DDX19B: variants seen among roughly 807,000 people sequenced by gnomAD.
DDX19B encodes the protein DEAD-box helicase 19B, also known as ATP-dependent RNA helicase DDX19B.
DDX19B carries 27 observed loss-of-function variants against 58.1 expected under a neutral mutation model. That is an observed-to-expected ratio of 0.46 (90% CI 0.34 to 0.64). The LOEUF is 0.64. Among genes scored for constraint, DDX19B ranks in the 30% least tolerant of loss-of-function variants. DDX19B has a pLI of 0.01. For missense variants in DDX19B, 399 were observed against 596.5 expected (o/e 0.67, Z 3.45); for synonymous variants, 187 against 214.4 (o/e 0.87, Z 1.12).
chr16:70,297,343 G>C (rs1252041352), upstream of DDX19B, among the ~76,000 whole-genome samples: 1 of 152,088 alleles, frequency 6.6e-6, no homozygotes, highest in African/African-American at 2.4e-5. Flanking sequence ...CTTACAAGTA[G>C]CTGGGATTAC....
chr16:70,292,649 G>A (rs1961090218), upstream of DDX19B, among the ~76,000 whole-genome samples: 6 of 152,024 alleles, frequency 3.9e-5, no homozygotes, highest in Admixed American at 3.9e-4. Flanking sequence ...TTTACTCTAG[G>A]CTAAGCAAAT....
intron 1 of DDX19B, among the ~76,000 whole-genome samples, chr16:70,308,714 T>C (rs915720606): frequency 1.3e-5 from 2 of 152,084 alleles, no homozygotes; most frequent in East Asian, 1.9e-4. Context: ...AGTCTCACTA[T>C]GTTGCCCAGG....
At chr16:70,321,668 A>G (rs781575023) in intron 5 of DDX19B, among the ~76,000 whole-genome samples, 38 of 152,348 alleles carry the variant, frequency 2.5e-4, no homozygotes, top group Admixed American at 6.5e-4. Flanking sequence ...ACAAACATTA[A>G]TGCCACTGAA....
chr16:70,324,377 AAAAAAAAAAAAG>A lies in DDX19B; in HGVS notation c.390-205_390-194del, dbSNP rs1415602320. ...GACCTAATCTCAAAAAAAAAAAAAAAAAAAAAAAAAAGAAGAAGATGTGGAGTGCTTCAAATC... is the reference window on the plus strand; with the variant it reads ...GACCTAATCTCAAAAAAAAAAAAAAAAAGAAGATGTGGAGTGCTTCAAATC... On this transcript the variant is annotated intron_variant, in intron 5 of 11. Transcript: ENST00000288071. 2.7e-5 allele frequency among the ~76,000 whole-genome samples: 4 copies of A among 150,858 alleles called. No homozygotes were observed. In the East Asian group the frequency reaches 7.8e-4, roughly 29 times the overall value.
intron 1 of DDX19B, among the ~76,000 whole-genome samples, chr16:70,307,023 G>T (rs545818070): frequency 2.6e-5 from 4 of 152,176 alleles, no homozygotes; most frequent in Non-Finnish European, 4.4e-5. Context: ...ATGAACTAAG[G>T]TTCATTAGTT....
chr16:70,317,275 C>T (rs759435983), intron 4 of DDX19B: 17 of 311,950 alleles, frequency 5.4e-5, no homozygotes, highest in South Asian at 3.3e-4. Context: ...CAGCTATTCG[C>T]GAGGCTGAGG....
chr16:70,295,151 G>T, upstream of DDX19B: 1 of 1,041,872 alleles, frequency 9.6e-7, no homozygotes, highest in Non-Finnish European at 1.2e-6. Context: ...TTCCAATCCA[G>T]ATGCTCTTAT....
At chr16:70,318,477 T>C (rs1962567453) in intron 5 of DDX19B, among the ~76,000 whole-genome samples, 1 of 152,042 alleles carries the variant, frequency 6.6e-6, no homozygotes, top group Non-Finnish European at 1.5e-5. Context: ...TTTCTCTATG[T>C]AAACATATAA....
chr16:70,309,329 A>G (rs1961953198), intron 1 of DDX19B, among the ~76,000 whole-genome samples: 1 of 151,464 alleles, frequency 6.6e-6, no homozygotes. Context: ...CCCCGTCTCT[A>G]CTAAAAATAT....
At chr16:70,294,114 C>T (rs1181835743), upstream of DDX19B, among the ~76,000 whole-genome samples, 2 of 113,630 alleles carry the variant, frequency 1.8e-5, no homozygotes, top group East Asian at 3.0e-4. Flanking sequence ...CGGAGTCTCA[C>T]TCTGTCGCCC....
rs1963598597 is a variant in DDX19B, at chr16:70,333,610, C to T, written c.*28C>T. The T allele has an allele frequency of 1.2e-6, 2 of 1,613,878 alleles. No individual in the cohort carries two copies. The highest frequency in any genetic ancestry group is 1.7e-6 in the Non-Finnish European group (2 of 1,179,738). Reference sequence around the variant, plus strand: ...AGCTCCACCAGCCACTGATGCCAGCCCTGGCACTGCCCCTGCACAGGAGAC... The same window carrying T: ...AGCTCCACCAGCCACTGATGCCAGCTCTGGCACTGCCCCTGCACAGGAGAC... On this transcript the variant is annotated 3_prime_UTR_variant, in exon 12 of 12. Coordinates refer to ENST00000288071, the MANE Select transcript of DDX19B (RefSeq NM_007242.7).
chr16:70,319,020 C>T (rs567176186), intron 5 of DDX19B, among the ~76,000 whole-genome samples: 6 of 148,978 alleles, frequency 4.0e-5, no homozygotes, highest in Non-Finnish European at 7.4e-5. Flanking sequence ...AGGAGAATGG[C>T]ATGAACCTGG....
chr16:70,333,997 C>G lies in DDX19B; in HGVS notation c.*415C>G, dbSNP rs932279762. On this transcript the variant is annotated 3_prime_UTR_variant, in exon 12 of 12. Transcript: ENST00000288071. ...ATGGAATAGTGGTGGAAAGGGAACA[C>G]AGAGAGGGAGGCTTCCAGTAAGATA... 4.0e-6 allele frequency: 1 copy of G among 246,928 alleles called. No homozygotes were observed. Among genetic ancestry groups the G allele is most frequent in the Non-Finnish European group, 7.9e-6 (1 of 126,744 alleles). 15.3% of individuals were successfully genotyped at this position (246,928 alleles called of 1,614,324 possible). A position where few individuals can be genotyped will look rare whatever the true frequency, so the allele number is the denominator to read the frequency against.
chr16:70,329,596 A>G, intron 8 of DDX19B, 127 bp downstream of exon 8: 5 of 1,426,638 alleles, frequency 3.5e-6, no homozygotes, highest in Non-Finnish European at 4.8e-6. Flanking sequence ...CATTTGTTTG[A>G]CGGGCCACTT....
At chr16:70,304,159 GCT>G (rs1165023408) in intron 1 of DDX19B, among the ~76,000 whole-genome samples, 3 of 151,216 alleles carry the variant, frequency 2.0e-5, no homozygotes, top group African/African-American at 7.3e-5. Flanking sequence ...TCCTGCCTCA[GCT>G]TCCCTAGTAG....
chr16:70,307,563 A>G (rs975172865), intron 1 of DDX19B, among the ~76,000 whole-genome samples: 7 of 151,466 alleles, frequency 4.6e-5, no homozygotes, highest in African/African-American at 1.7e-4. Context: ...GGGTTTCATC[A>G]TGTTGCCCAC....
chr16:70,308,332 C>A (rs924448035), intron 1 of DDX19B, among the ~76,000 whole-genome samples: 3 of 152,028 alleles, frequency 2.0e-5, no homozygotes, highest in Non-Finnish European at 4.4e-5. Flanking sequence ...TGGCTCACTG[C>A]AACCTCCAAC....
chr16:70,329,165 G>C, intron 7 of DDX19B, 127 bp from the exon 8 acceptor site: 1 of 1,293,312 alleles, frequency 7.7e-7, no homozygotes. Context: ...AGAGGTTGCA[G>C]TGAGTCGAGA....
chr16:70,329,394 A>T lies in DDX19B; in HGVS notation c.710A>T (p.Lys237Met), dbSNP rs1441703159. The stretch of plus-strand genomic sequence containing the variant: ...AAGTTCATTGATCCCAAGAAAATCA[A>T]GGTGTTTGTTCTGGATGAGGCTGAT... ...KLKFIDPKKI[K>M]VFVLDEADVM... Residue 237 changes from lysine (K) to methionine (M), a missense_variant, in exon 8 of 12, where the codon AAG (lysine) becomes ATG (methionine). By Grantham distance (95) the Lys-to-Met change is moderately conservative. Coordinates refer to ENST00000288071, the MANE Select transcript of DDX19B (RefSeq NM_007242.7). 4 of 1,613,800 alleles carry T rather than the reference A, an allele frequency of 2.5e-6. No homozygotes were observed. Among genetic ancestry groups the T allele is most frequent in the Non-Finnish European group, 3.4e-6 (4 of 1,179,992 alleles).
Sources: gnomAD v4.1 joint callset for allele counts (sites outside exome capture counted in the v4.1 genomes callset) on GRCh38, gnomAD v4.1.1 for gene constraint, MANE v1.5 for transcripts, NCBI Gene and HGNC (gene_info 2026-07-23, HGNC 2026-07-21) for gene names.